Variants in MAP2K4 observed in about 807,000 individuals in gnomAD.
MAP2K4 encodes the protein dual specificity mitogen-activated protein kinase kinase 4.
MAP2K4 carries 4 observed loss-of-function variants against 48.5 expected under a neutral mutation model. The ratio of observed to expected loss-of-function variants is 0.08; its 90% CI spans 0.04 to 0.19. MAP2K4 has a LOEUF of 0.19. Among genes scored for constraint, MAP2K4 ranks in the 10% least tolerant of loss-of-function variants. The probability of loss-of-function intolerance (pLI) is 1.00; values close to 1 mark genes in which losing one functional copy is unlikely to be tolerated. For synonymous variants in MAP2K4, 166 were observed against 173.1 expected (o/e 0.96, Z 0.32); for missense variants, 258 against 493.3 (o/e 0.52, Z 4.52).
intron 1 of MAP2K4, among the ~76,000 whole-genome samples, chr17:12,030,268 C>T (rs1965539424): frequency 6.6e-6 from 1 of 152,124 alleles, no homozygotes; most frequent in African/African-American, 2.4e-5. Context: ...AAAGGTGAGC[C>T]AGTGTGTTCC....
chr17:12,098,143 G>A (rs1971820324), intron 4 of MAP2K4, among the ~76,000 whole-genome samples: 2 of 152,084 alleles, frequency 1.3e-5, no homozygotes, highest in Non-Finnish European at 2.9e-5. Context: ...CACCTTTAAA[G>A]AGTGAATAGT....
chr17:12,108,633 G>A (rs1455156084), intron 5 of MAP2K4, among the ~76,000 whole-genome samples: 2 of 151,816 alleles, frequency 1.3e-5, no homozygotes, highest in South Asian at 2.1e-4. Context: ...AAACTCCTGA[G>A]AATCTGAGCT....
intron 2 of MAP2K4, among the ~76,000 whole-genome samples, chr17:12,071,037 G>T (rs1405818122): frequency 6.6e-6 from 1 of 152,184 alleles, no homozygotes; most frequent in Non-Finnish European, 1.5e-5. Flanking sequence ...TTGGCTTGTG[G>T]CAGCATAACC....
intron 2 of MAP2K4, among the ~76,000 whole-genome samples, chr17:12,076,285 G>GTGTC (rs1193400723): frequency 7.7e-6 from 1 of 129,462 alleles, no homozygotes; most frequent in Non-Finnish European, 1.7e-5. Flanking sequence ...AGTTCTGTGT[G>GTGTC]TGTGTGTGTG....
intron 8 of MAP2K4, 137 bp downstream of exon 8, chr17:12,125,508 A>T: frequency 1.5e-6 from 1 of 672,622 alleles, no homozygotes; most frequent in Admixed American, 2.7e-5. Flanking sequence ...GCTGAAAAAA[A>T]AAAAGTATGT....
chr17:12,141,595 C>G lies in MAP2K4; in HGVS notation c.*335C>G, dbSNP rs993682136. On this transcript the variant is annotated 3_prime_UTR_variant, in exon 11 of 11. Transcript: ENST00000353533. ...TTTCTAGACTCAAAACCTGGAGATG[C>G]AGCTACTGGAATGGTGTTTTGTCAG... is the stretch of plus-strand genomic sequence containing the variant. 3.2e-6 allele frequency: 1 copy of G among 317,242 alleles called. No homozygotes were observed. Among genetic ancestry groups the G allele is most frequent in the Non-Finnish European group, 5.9e-6 (1 of 169,926 alleles). 19.7% of individuals were successfully genotyped at this position (317,242 alleles called of 1,614,324 possible).
At chr17:12,078,804 C>T (rs1462882246) in intron 2 of MAP2K4, among the ~76,000 whole-genome samples, 1 of 152,084 alleles carries the variant, frequency 6.6e-6, no homozygotes, top group African/African-American at 2.4e-5. Context: ...AGGTTCTGGT[C>T]CAGTTCCTGT....
chr17:12,127,663 C>G (rs1208418370), intron 8 of MAP2K4, among the ~76,000 whole-genome samples: 1 of 152,144 alleles, frequency 6.6e-6, no homozygotes, highest in African/African-American at 2.4e-5. Flanking sequence ...TGACATACAG[C>G]CAACTTTTCC....
intron 7 of MAP2K4, among the ~76,000 whole-genome samples, chr17:12,122,744 CA>C (rs1218423128): frequency 3.3e-5 from 5 of 152,260 alleles, no homozygotes; most frequent in African/African-American, 4.8e-5. Context: ...TTCTATATTT[CA>C]CCAGTAAGTA....
chr17:12,021,829 C>T (rs1969081233), intron 1 of MAP2K4, among the ~76,000 whole-genome samples: 1 of 151,430 alleles, frequency 6.6e-6, no homozygotes, highest in Non-Finnish European at 1.5e-5. Flanking sequence ...AGTGTCTGGA[C>T]ATTTGAGGCA....
chr17:12,109,375 T>G (rs1190098096), intron 5 of MAP2K4, among the ~76,000 whole-genome samples: 1 of 152,178 alleles, frequency 6.6e-6, no homozygotes, highest in Non-Finnish European at 1.5e-5. Context: ...GTAAAATACT[T>G]TGTATTTAGT....
intron 1 of MAP2K4, among the ~76,000 whole-genome samples, chr17:12,028,896 G>A (rs1387221573): frequency 1.3e-5 from 2 of 152,036 alleles, no homozygotes; most frequent in South Asian, 4.1e-4. Flanking sequence ...TTAGATTTAG[G>A]CACACTGTTT....
chr17:12,109,420 A>C (rs965921047), intron 5 of MAP2K4, among the ~76,000 whole-genome samples: 1 of 152,356 alleles, frequency 6.6e-6, no homozygotes, highest in African/African-American at 2.4e-5. Flanking sequence ...GCAAACAAGC[A>C]TAGCTATTCA....
At chr17:12,100,093 C>T (rs1471797281) in intron 4 of MAP2K4, among the ~76,000 whole-genome samples, 1 of 152,114 alleles carries the variant, frequency 6.6e-6, no homozygotes, top group Non-Finnish European at 1.5e-5. Flanking sequence ...TGATAAACTT[C>T]CCACATGTAA....
intron 1 of MAP2K4, among the ~76,000 whole-genome samples, chr17:12,038,126 T>TTTCA (rs1267159950): frequency 6.6e-6 from 1 of 152,162 alleles, no homozygotes; most frequent in Non-Finnish European, 1.5e-5. Context: ...TTGACAGAAC[T>TTTCA]TTCAGAGTTG....
At chr17:12,117,487 G>A (rs1023830656) in intron 7 of MAP2K4, among the ~76,000 whole-genome samples, 8 of 152,002 alleles carry the variant, frequency 5.3e-5, no homozygotes, top group African/African-American at 1.9e-4. Flanking sequence ...CCCCACATAA[G>A]CATGCCTACA....
chr17:12,048,040 T>A (rs1275160449), intron 1 of MAP2K4, among the ~76,000 whole-genome samples: 2 of 152,338 alleles, frequency 1.3e-5, no homozygotes, highest in East Asian at 3.9e-4. Context: ...ACATTTCTTT[T>A]TCTTTTTTTT....
chr17:12,108,885 T>C (rs1396060711), intron 5 of MAP2K4, among the ~76,000 whole-genome samples: 4 of 152,060 alleles, frequency 2.6e-5, no homozygotes, highest in Non-Finnish European at 5.9e-5. Context: ...AGAAACTTAT[T>C]ATTTAGCGGG....
At chr17:12,041,168 T>C (rs1969767327) in intron 1 of MAP2K4, among the ~76,000 whole-genome samples, 1 of 152,240 alleles carries the variant, frequency 6.6e-6, no homozygotes, top group South Asian at 2.1e-4. Flanking sequence ...AGCAAATAGT[T>C]TTTTATTGTG....
Sources: allele counts gnomAD v4.1 joint callset (sites outside exome capture counted in the v4.1 genomes callset), GRCh38; gene constraint gnomAD v4.1.1; transcripts MANE v1.5; gene names NCBI Gene and HGNC (gene_info 2026-07-23, HGNC 2026-07-21).